Variants in PAK1 observed in about 807,000 individuals in gnomAD.
The protein encoded by PAK1 is p21 (RAC1) activated kinase 1.
A neutral mutation model predicts 67.4 loss-of-function variants in PAK1; 29 were observed. That is an observed-to-expected ratio of 0.43 (90% CI 0.32 to 0.59). The LOEUF is 0.59. Among genes scored for constraint, PAK1 ranks in the 20% least tolerant of loss-of-function variants. PAK1 has a pLI of 0.07. For missense variants in PAK1, 337 were observed against 670.7 expected (o/e 0.50, Z 5.50); for synonymous variants, 223 against 237.4 (o/e 0.94, Z 0.56).
chr11:77,324,750 TACACACAC>T (rs142981945), intron 14 of PAK1, among the ~76,000 whole-genome samples: 16 of 140,800 alleles, frequency 1.1e-4, no homozygotes, highest in South Asian at 8.8e-4. Context: ...TATATATGTA[TACACACAC>T]ACACACACAC....
chr11:77,515,937 C>T, the PAK1 span, among the ~76,000 whole-genome samples: 2 of 152,076 alleles, frequency 1.3e-5, no homozygotes, highest in South Asian at 4.1e-4. Context: ...CATAAGCATC[C>T]TAGAAATGCT....
chr11:77,380,205 G>T (rs915005810), intron 2 of PAK1, among the ~76,000 whole-genome samples: 1 of 152,110 alleles, frequency 6.6e-6, no homozygotes, highest in Non-Finnish European at 1.5e-5. Flanking sequence ...ACTAAAGTAC[G>T]GGAGGTGGCC....
At chr11:77,508,058 G>C in the PAK1 span, among the ~76,000 whole-genome samples, 1 of 152,044 alleles carries the variant, frequency 6.6e-6, no homozygotes, top group Admixed American at 6.5e-5. Flanking sequence ...TTCAGTTTCT[G>C]AACTTTCATC....
At chr11:77,498,914 T>C in the PAK1 span, among the ~76,000 whole-genome samples, 1 of 151,918 alleles carries the variant, frequency 6.6e-6, no homozygotes, top group Non-Finnish European at 1.5e-5. Context: ...TTGGACAGGG[T>C]GGTCTCGAAC....
At chr11:77,391,022 C>T (rs547145083) in intron 2 of PAK1, among the ~76,000 whole-genome samples, 20 of 152,312 alleles carry the variant, frequency 1.3e-4, no homozygotes, top group African/African-American at 4.8e-4. Flanking sequence ...CCCTGCTCTC[C>T]AATCACCAAC....
chr11:77,386,303 G>A (rs985611977), intron 2 of PAK1, among the ~76,000 whole-genome samples: 1 of 152,214 alleles, frequency 6.6e-6, no homozygotes, highest in Non-Finnish European at 1.5e-5. Flanking sequence ...TCCAAACTTG[G>A]AGAGATAAAC....
intron 1 of PAK1, among the ~76,000 whole-genome samples, chr11:77,467,633 A>C (rs992138444): frequency 6.6e-6 from 1 of 152,208 alleles, no homozygotes; most frequent in Non-Finnish European, 1.5e-5. Context: ...CATCTTCACA[A>C]GTAATTCAAG....
the PAK1 span, among the ~76,000 whole-genome samples, chr11:77,512,378 C>T: frequency 7.1e-6 from 1 of 141,480 alleles, no homozygotes; most frequent in South Asian, 2.8e-4. Flanking sequence ...TTTGTGTGGT[C>T]TCTGTGAGCA....
intron 10 of PAK1, among the ~76,000 whole-genome samples, chr11:77,341,747 C>T (rs989630989): frequency 1.3e-5 from 2 of 152,188 alleles, no homozygotes; most frequent in Admixed American, 6.5e-5. Context: ...GTGGTATCAT[C>T]TTATCTTCAT....
chr11:77,348,528 A>G (rs1479880049), intron 9 of PAK1, among the ~76,000 whole-genome samples: 1 of 152,194 alleles, frequency 6.6e-6, no homozygotes, highest in East Asian at 1.9e-4. Context: ...GTAGATTAGG[A>G]GTCAAGAGAC....
chr11:77,393,782 C>A (rs1951466941), intron 1 of PAK1, among the ~76,000 whole-genome samples: 1 of 152,140 alleles, frequency 6.6e-6, no homozygotes, highest in African/African-American at 2.4e-5. Flanking sequence ...GCAGGCGGAT[C>A]ACTTGAGGTC....
chr11:77,521,298 G>A, the PAK1 span, among the ~76,000 whole-genome samples: 1 of 152,132 alleles, frequency 6.6e-6, no homozygotes, highest in East Asian at 1.9e-4. Flanking sequence ...GGGAAGCCAA[G>A]GCAGGCAGAT....
chr11:77,522,609 C>T, the PAK1 span, among the ~76,000 whole-genome samples: 1 of 152,194 alleles, frequency 6.6e-6, no homozygotes, highest in Non-Finnish European at 1.5e-5. Flanking sequence ...AATGCTTATA[C>T]ACTGTGTTAG....
rs575498747 is a variant in PAK1, at chr11:77,451,789, G to A, written c.-22+21763C>T. ...AATTTTTTGTATTTTTAGTAGAGAC[G>A]GGGTTTCACCATTTTGGTCAGGCTG... On this transcript the variant is annotated intron_variant, in intron 1 of 14. Transcript: ENST00000356341. Among the ~76,000 whole-genome samples the A allele has an allele frequency of 6.0e-5, 9 of 150,124 alleles. No homozygotes were observed. The East Asian group carries it at 1.7e-3, about 29-fold the overall frequency.
chr11:77,493,979 T>A, the PAK1 span, among the ~76,000 whole-genome samples: 2 of 152,344 alleles, frequency 1.3e-5, no homozygotes, highest in East Asian at 3.9e-4. Flanking sequence ...ATGCCAATGC[T>A]GATGAGATTG....
At chr11:77,386,177 T>C (rs1352099082) in intron 2 of PAK1, among the ~76,000 whole-genome samples, 2 of 152,190 alleles carry the variant, frequency 1.3e-5, no homozygotes, top group Non-Finnish European at 2.9e-5. Flanking sequence ...TCCCATGTCT[T>C]GGTATAGCCA....
chr11:77,385,303 G>A (rs770554040), intron 2 of PAK1, among the ~76,000 whole-genome samples: 3 of 152,188 alleles, frequency 2.0e-5, no homozygotes, highest in Non-Finnish European at 4.4e-5. Context: ...GCTCATGTAC[G>A]TGAATACAGA....
intron 2 of PAK1, among the ~76,000 whole-genome samples, chr11:77,385,990 G>C (rs1950403253): frequency 6.6e-6 from 1 of 152,202 alleles, no homozygotes. Flanking sequence ...AGAAACTGTG[G>C]TTGAGGTGAG....
chr11:77,469,588 T>C (rs980450655), intron 1 of PAK1, among the ~76,000 whole-genome samples: 1 of 151,976 alleles, frequency 6.6e-6, no homozygotes, highest in African/African-American at 2.4e-5. Flanking sequence ...TGCAGTAACA[T>C]AGACACTAAA....
Sources: gnomAD v4.1 joint callset for allele counts (sites outside exome capture counted in the v4.1 genomes callset) on GRCh38, gnomAD v4.1.1 for gene constraint, MANE v1.5 for transcripts, NCBI Gene and HGNC (gene_info 2026-07-23, HGNC 2026-07-21) for gene names.